MTNR1A: variants seen among roughly 807,000 people sequenced by gnomAD.
MTNR1A encodes the protein melatonin receptor type 1A.
In MTNR1A, 7 loss-of-function variants were observed where a neutral mutation model predicts 5.5. The ratio of observed to expected loss-of-function variants is 1.28; its 90% CI spans 0.73 to 2.40. The LOEUF is 2.40. Ranked by LOEUF, MTNR1A falls within the 30% of genes most tolerant of loss-of-function variation. The pLI is 0.00. For synonymous variants in MTNR1A, 196 were observed against 202.7 expected, an observed-to-expected ratio of 0.97 and a Z score of 0.28; for missense variants, 441 against 464.4, an observed-to-expected ratio of 0.95 and a Z score of 0.46.
At chr4:186,551,424 T>A (rs575630295) in intron 1 of MTNR1A, among the ~76,000 whole-genome samples, 1 of 152,110 alleles carries the variant, frequency 6.6e-6, no homozygotes, top group East Asian at 1.9e-4. Context: ...TTTTTTTTTT[T>A]AAACATACAC....
chr4:186,541,402 G>T (rs1240185570), intron 1 of MTNR1A, among the ~76,000 whole-genome samples: 3 of 151,706 alleles, frequency 2.0e-5, no homozygotes, highest in African/African-American at 7.2e-5. Context: ...TCCCCAACCT[G>T]ATGGGGACAG....
chr4:186,535,838 A>C (rs1051340003), intron 1 of MTNR1A, among the ~76,000 whole-genome samples: 1 of 152,044 alleles, frequency 6.6e-6, no homozygotes, highest in African/African-American at 2.4e-5. Context: ...AATCCTGCCC[A>C]TTCTCCCAAG....
chr4:186,553,754 C>G (rs547832075), intron 1 of MTNR1A, among the ~76,000 whole-genome samples: 1 of 152,228 alleles, frequency 6.6e-6, no homozygotes, highest in Non-Finnish European at 1.5e-5. Context: ...TCAGGCGATC[C>G]ACCCACCTCG....
chr4:186,553,349 C>T lies in MTNR1A; in HGVS notation c.184+1833G>A, dbSNP rs112905177. ...AAAATATGGAACTTCTAAAGCTGTG[C>T]GGATTAAAGGTCACTAAGGGTCTCC... On this transcript the variant is annotated intron_variant, in intron 1 of 1. Coordinates refer to ENST00000307161, the MANE Select transcript of MTNR1A (RefSeq NM_005958.4). Among the ~76,000 whole-genome samples the T allele has an allele frequency of 8.5e-4, 129 of 152,180 alleles. 1 individual carries two copies. The Middle Eastern group carries it at 0.01, about 12-fold the overall frequency.
In MTNR1A at chr4:186,553,657, G is replaced by C. The variant is rs1055065976; in HGVS notation, c.184+1525C>G. ...CTTCCAAGTAGTTGGGATTACAGCT[G>C]TGGGCCACCACATCCAGCTAATTTT... On this transcript the variant is annotated intron_variant, in intron 1 of 1. Transcript: ENST00000307161. 1.1e-3 allele frequency among the ~76,000 whole-genome samples: 168 copies of C among 152,270 alleles called. 3 individuals are homozygous for C. Among genetic ancestry groups the C allele is most frequent in the East Asian group, 1.4e-3 (7 of 5,176 alleles).
intron 1 of MTNR1A, among the ~76,000 whole-genome samples, chr4:186,540,993 C>A (rs1737009296): frequency 6.6e-6 from 1 of 152,122 alleles, no homozygotes; most frequent in Admixed American, 6.6e-5. Context: ...AGATCTGGCT[C>A]CGGCAGCTCC....
At position 186,534,043 on chromosome 4, in the gene MTNR1A, G is replaced by A. The variant is rs966053745; in HGVS notation, c.699C>T (p.Asp233=). The A allele has an allele frequency of 6.8e-6, 11 of 1,613,980 alleles. No individual in the cohort carries two copies. The highest frequency in any genetic ancestry group is 8.5e-6 in the Non-Finnish European group (10 of 1,180,040). ...PDRKPKLKPQ[D]FRNFVTMFVV... is the part of the protein sequence containing the mutation. The stretch of plus-strand genomic sequence containing the variant: ...CAAACATGGTGACAAAATTCCTGAA[G>A]TCCTGTGGTTTCAGTTTGGGTTTGC... Residue 233 remains aspartate, a synonymous_variant, in exon 2 of 2, where the codon GAC becomes GAT. Transcript: ENST00000307161.
chr4:186,536,596 A>C (rs979552990), intron 1 of MTNR1A, among the ~76,000 whole-genome samples: 1 of 152,172 alleles, frequency 6.6e-6, no homozygotes, highest in Admixed American at 6.5e-5. Context: ...CCCAATAAAT[A>C]CAGTGACTTT....
At chr4:186,546,658 C>CA (rs1737151088) in intron 1 of MTNR1A, among the ~76,000 whole-genome samples, 7 of 149,370 alleles carry the variant, frequency 4.7e-5, no homozygotes, top group African/African-American at 1.7e-4. Context: ...GTTCATGCCA[C>CA]CCACATCACA....
intron 1 of MTNR1A, among the ~76,000 whole-genome samples, chr4:186,535,286 C>A (rs1239509314): frequency 1.3e-5 from 2 of 151,992 alleles, no homozygotes; most frequent in African/African-American, 4.8e-5. Flanking sequence ...AAGGAAAATG[C>A]AGAAATTCTC....
At chr4:186,542,986 G>A (rs887134504) in intron 1 of MTNR1A, among the ~76,000 whole-genome samples, 2 of 152,106 alleles carry the variant, frequency 1.3e-5, no homozygotes, top group African/African-American at 4.8e-5. Flanking sequence ...CCAGTTACTC[G>A]GGAGGCTAAG....
At chr4:186,536,528 C>T (rs1027763287) in intron 1 of MTNR1A, among the ~76,000 whole-genome samples, 7 of 152,086 alleles carry the variant, frequency 4.6e-5, no homozygotes, top group African/African-American at 1.7e-4. Flanking sequence ...GGCTTCCCTG[C>T]GTCTCCAGAT....
chr4:186,536,359 GA>G (rs1736851176), intron 1 of MTNR1A, among the ~76,000 whole-genome samples: 1 of 98,018 alleles, frequency 1.0e-5, no homozygotes, highest in Admixed American at 1.1e-4. Flanking sequence ...AAAAAAAAAA[GA>G]AAAAAAAGAA....
intron 1 of MTNR1A, among the ~76,000 whole-genome samples, chr4:186,554,330 C>T (rs1737326785): frequency 6.6e-6 from 1 of 152,232 alleles, no homozygotes; most frequent in Non-Finnish European, 1.5e-5. Context: ...AAATATTGAT[C>T]TTGGCAGACA....
intron 1 of MTNR1A, among the ~76,000 whole-genome samples, chr4:186,544,629 A>C (rs1169737866): frequency 6.6e-6 from 1 of 152,114 alleles, no homozygotes; most frequent in East Asian, 1.9e-4. Context: ...ATTTCTGAAA[A>C]ACGTCTGTTT....
chr4:186,551,995 T>C (rs1285657204), intron 1 of MTNR1A, among the ~76,000 whole-genome samples: 1 of 152,208 alleles, frequency 6.6e-6, no homozygotes, highest in Non-Finnish European at 1.5e-5. Context: ...CTTTCTAAAA[T>C]GTATCATATC....
In MTNR1A at chr4:186,534,502, C is replaced by T. The variant is rs149418383; in HGVS notation, c.240G>A (p.Pro80=). The change falls in exon 2 of 2, where the codon CCG becomes CCA. Residue 80 remains proline, a synonymous_variant. Transcript: ENST00000307161. ...AVADLVVAIY[P]YPLVLMSIFN... ...ATATCGACATCAGCACCAACGGGTA[C>T]GGATAAATGGCCACCACCAGGTCTG... 88 of 1,613,880 alleles carry T rather than the reference C, an allele frequency of 5.5e-5. No homozygotes were observed. The highest frequency in any genetic ancestry group is 2.9e-4 in the African/African-American group (22 of 74,990).
chr4:186,534,606 G>A (rs185316311), intron 1 of MTNR1A, 49 bp from the exon 2 acceptor site: 94 of 1,590,660 alleles, frequency 5.9e-5, no homozygotes, highest in Admixed American at 2.5e-4. Flanking sequence ...TTCACAGTGG[G>A]TTTTCTGTTA....
intron 1 of MTNR1A, among the ~76,000 whole-genome samples, chr4:186,541,275 C>G (rs1392025612): frequency 1.3e-5 from 2 of 152,180 alleles, no homozygotes; most frequent in East Asian, 1.9e-4. Context: ...TCCCAGGAAA[C>G]AGAACTTTGA....
Sources: gnomAD v4.1 joint callset for allele counts (sites outside exome capture counted in the v4.1 genomes callset) on GRCh38, gnomAD v4.1.1 for gene constraint, MANE v1.5 for transcripts, NCBI Gene and HGNC (gene_info 2026-07-23, HGNC 2026-07-21) for gene names.